PACRG: variants seen among roughly 807,000 people sequenced by gnomAD.
PACRG encodes the protein parkin coregulated, also known as parkin coregulated gene protein.
Under a neutral mutation model 29.7 loss-of-function variants are expected in PACRG, and 29 were observed. That is an observed-to-expected ratio of 0.98 (90% CI 0.73 to 1.33). PACRG has a LOEUF of 1.33. Among genes scored for constraint, PACRG ranks in the 40% most tolerant of loss-of-function variants. The pLI is 0.00. For missense variants in PACRG, 279 were observed against 316.2 expected, an observed-to-expected ratio of 0.88 and a Z score of 0.89; for synonymous variants, 116 against 118.7, an observed-to-expected ratio of 0.98 and a Z score of 0.15.
At chr6:162,933,662 CCTGCACACTCTTG>C (rs1448829393) in intron 2 of PACRG, among the ~76,000 whole-genome samples, 4 of 139,566 alleles carry the variant, frequency 2.9e-5, no homozygotes, top group African/African-American at 1.1e-4. Context: ...TTACACTACT[CCTGCACACTCTTG>C]GTTTCCATTT....
At chr6:163,163,094 G>T (rs548520285) in intron 4 of PACRG, among the ~76,000 whole-genome samples, 3 of 152,324 alleles carry the variant, frequency 2.0e-5, no homozygotes, top group Admixed American at 1.3e-4. Flanking sequence ...GGGAGGGACT[G>T]CAGGAAATCA....
intron 2 of PACRG, among the ~76,000 whole-genome samples, chr6:162,817,357 G>T (rs1198999730): frequency 1.3e-5 from 2 of 152,234 alleles, no homozygotes; most frequent in Admixed American, 1.3e-4. Context: ...GAGACAGACA[G>T]ATGTCTTTGC....
intron 4 of PACRG, among the ~76,000 whole-genome samples, chr6:163,112,374 AAAG>A (rs1020528350): frequency 6.6e-6 from 1 of 152,136 alleles, no homozygotes; most frequent in African/African-American, 2.4e-5. Context: ...GTGCAGGTGA[AAAG>A]GACCCTTTCC....
chr6:163,091,495 T>C (rs1814106472), intron 4 of PACRG, among the ~76,000 whole-genome samples: 1 of 152,242 alleles, frequency 6.6e-6, no homozygotes, highest in African/African-American at 2.4e-5. Context: ...TCTAAATGCA[T>C]GCATCAGGAA....
At chr6:162,735,435 AG>A (rs1407523821) in intron 1 of PACRG, among the ~76,000 whole-genome samples, 8 of 152,160 alleles carry the variant, frequency 5.3e-5, no homozygotes, top group Admixed American at 1.3e-4. Flanking sequence ...TAAGTATTCC[AG>A]TAGGTATGTA....
rs1161565985 is a variant in PACRG, at chr6:163,314,945, T to C, written c.732T>C (p.Ile244=). 6.2e-7 allele frequency: 1 copy of C among 1,614,152 alleles called. No individual in the cohort carries two copies. Among genetic ancestry groups the C allele is most frequent in the African/African-American group, 1.3e-5 (1 of 75,042 alleles). ...GAGGAGAAAATGCCTTTATCAACATTAAGTACGTGGTCCCAACCTACGAGT... is the reference window on the plus strand; with the variant it reads ...GAGGAGAAAATGCCTTTATCAACATCAAGTACGTGGTCCCAACCTACGAGT... The part of the protein sequence containing the change: ...RYGGENAFIN[I]KYVVPTYESC... Residue 244 remains isoleucine, a synonymous_variant, in exon 5 of 5, where the codon ATT becomes ATC. Transcript: ENST00000366888.
intron 4 of PACRG, among the ~76,000 whole-genome samples, chr6:163,096,576 G>A (rs990931954): frequency 3.9e-5 from 6 of 152,300 alleles, no homozygotes; most frequent in Non-Finnish European, 5.9e-5. Flanking sequence ...TAACAACTCC[G>A]TGCCTTAGTC....
At chr6:163,064,838 GTT>G (rs5881503) in intron 3 of PACRG, among the ~76,000 whole-genome samples, 1 of 147,712 alleles carries the variant, frequency 6.8e-6, no homozygotes, top group African/African-American at 2.5e-5. Context: ...CAGACTAGAA[GTT>G]TTTTTTTTTT....
At chr6:163,253,297 C>CAA (rs576001593) in intron 4 of PACRG, among the ~76,000 whole-genome samples, 8 of 49,994 alleles carry the variant, frequency 1.6e-4, no homozygotes, top group Non-Finnish European at 2.3e-4. Flanking sequence ...GAGACTGTCT[C>CAA]AAAAAAAAAA....
chr6:162,896,593 G>T (rs746813090), intron 2 of PACRG, among the ~76,000 whole-genome samples: 1 of 152,144 alleles, frequency 6.6e-6, no homozygotes, highest in Non-Finnish European at 1.5e-5. Context: ...ATGATAGGAA[G>T]GTTGTGTTCT....
chr6:162,820,150 G>C (rs1384152992), intron 2 of PACRG, among the ~76,000 whole-genome samples: 2 of 152,140 alleles, frequency 1.3e-5, no homozygotes, highest in Non-Finnish European at 2.9e-5. Flanking sequence ...TGTTGCACTT[G>C]AACACCCAAG....
intron 2 of PACRG, among the ~76,000 whole-genome samples, chr6:162,924,854 CA>C (rs1797317547): frequency 2.0e-5 from 3 of 151,622 alleles, no homozygotes; most frequent in Admixed American, 6.6e-5. Context: ...AAAAGTCCTT[CA>C]AAAAAATCAA....
At chr6:162,917,325 T>C (rs1018333376) in intron 2 of PACRG, among the ~76,000 whole-genome samples, 2 of 152,152 alleles carry the variant, frequency 1.3e-5, no homozygotes, top group Non-Finnish European at 2.9e-5. Context: ...CTCAGCAATA[T>C]GGCCATCCTT....
At chr6:162,976,149 G>T (rs1236612825) in intron 2 of PACRG, among the ~76,000 whole-genome samples, 1 of 152,192 alleles carries the variant, frequency 6.6e-6, no homozygotes, top group South Asian at 2.1e-4. Flanking sequence ...GGAAGCAAGA[G>T]ACACCAGACA....
intron 2 of PACRG, among the ~76,000 whole-genome samples, chr6:162,923,890 A>G (rs1044420597): frequency 3.9e-5 from 6 of 151,972 alleles, no homozygotes; most frequent in Non-Finnish European, 7.4e-5. Context: ...TATAAATTTT[A>G]TGATTGATTT....
chr6:162,945,471 G>T (rs1798937204), intron 2 of PACRG, among the ~76,000 whole-genome samples: 1 of 152,038 alleles, frequency 6.6e-6, no homozygotes, highest in Admixed American at 6.6e-5. Context: ...AAACATATGT[G>T]CACCCACCAA....
intron 2 of PACRG, among the ~76,000 whole-genome samples, chr6:163,019,650 C>T (rs374265578): frequency 6.6e-6 from 1 of 152,144 alleles, no homozygotes; most frequent in Admixed American, 6.5e-5. Context: ...CCTCTAGCAC[C>T]GTTGCTGTGG....
At chr6:163,309,908 A>G (rs1473604015) in intron 4 of PACRG, 1 of 152,222 alleles carries the variant, frequency 6.6e-6, no homozygotes, top group African/African-American at 2.4e-5. Flanking sequence ...TTTCTTAGTC[A>G]TTACGAAAAA....
At chr6:162,896,296 C>G (rs9458666) in intron 2 of PACRG, among the ~76,000 whole-genome samples, 95,776 of 152,140 alleles carry the variant, frequency 0.63, 31,691 homozygotes, top group African/African-American at 0.84. Context: ...TTGGCAGCTT[C>G]GGGATCTAGC....
Sources: allele counts gnomAD v4.1 joint callset (sites outside exome capture counted in the v4.1 genomes callset), GRCh38; gene constraint gnomAD v4.1.1; transcripts MANE v1.5; gene names NCBI Gene and HGNC (gene_info 2026-07-23, HGNC 2026-07-21).